TSGA10: variants seen among roughly 807,000 people sequenced by gnomAD.
TSGA10 encodes testis-specific gene 10 protein.
In TSGA10, 43 loss-of-function variants were observed where a neutral mutation model predicts 96.6. The ratio of observed to expected loss-of-function variants is 0.44; its 90% CI spans 0.35 to 0.57. The LOEUF (loss-of-function observed/expected upper bound fraction) is 0.57. TSGA10 is among the 20% of genes least tolerant of loss of function. TSGA10 has a pLI of 0.01. For missense variants in TSGA10, 703 were observed against 834.4 expected (o/e 0.84, Z 1.94); for synonymous variants, 229 against 269.9 (o/e 0.85, Z 1.48).
chr2:99,114,366 C>A (rs2092072888), intron 4 of TSGA10, among the ~76,000 whole-genome samples: 1 of 152,128 alleles, frequency 6.6e-6, no homozygotes, highest in Non-Finnish European at 1.5e-5. Context: ...TCTTTCTAAT[C>A]CCCATTCTAC....
chr2:99,040,188 A>T (rs2082054754), intron 16 of TSGA10, among the ~76,000 whole-genome samples: 1 of 152,200 alleles, frequency 6.6e-6, no homozygotes, highest in Non-Finnish European at 1.5e-5. Context: ...AGTTGAAAGC[A>T]TTCCCCCTAA....
chr2:99,118,990 C>CA lies in TSGA10; in HGVS notation c.-491-305dup, dbSNP rs909473090. ...AAAGATGCATTAAAAACAACAGCAA[C>CA]AAAAAAAAACACTCGCACACAGAAG... is the stretch of plus-strand genomic sequence containing the variant. On this transcript the variant is annotated intron_variant, in intron 2 of 20. Transcript: ENST00000393483. Among the ~76,000 whole-genome samples, 288 of 150,412 alleles carry CA rather than the reference C, an allele frequency of 1.9e-3. 1 individual carries two copies. The highest frequency in any genetic ancestry group is 0.01 in the Middle Eastern group (3 of 294).
chr2:99,119,327 G>A (rs1320531629), intron 2 of TSGA10, among the ~76,000 whole-genome samples: 1 of 151,490 alleles, frequency 6.6e-6, no homozygotes, highest in Non-Finnish European at 1.5e-5. Flanking sequence ...TCTCCCATCT[G>A]CTCTCAAAAA....
chr2:99,045,177 G>A (rs181241951), intron 16 of TSGA10, among the ~76,000 whole-genome samples: 246 of 152,114 alleles, frequency 1.6e-3, no homozygotes, highest in African/African-American at 5.7e-3. Flanking sequence ...AAATAACTAA[G>A]ATCAGAGCAG....
chr2:99,134,298 T>TA (rs1445557471), intron 1 of TSGA10, among the ~76,000 whole-genome samples: 1 of 152,174 alleles, frequency 6.6e-6, no homozygotes, highest in Non-Finnish European at 1.5e-5. Context: ...CTTTTTTCTC[T>TA]AATCTTGTCT....
intron 12 of TSGA10, among the ~76,000 whole-genome samples, chr2:99,077,180 A>T (rs111892988): frequency 9.5e-6 from 1 of 105,716 alleles, no homozygotes; most frequent in African/African-American, 3.8e-5. Context: ...TTGCTCTGTC[A>T]TGCAGGCTGG....
rs193016692 is a variant in TSGA10 at position 99,108,250 on chromosome 2, C to T, written c.210+583G>A. On this transcript the variant is annotated intron_variant, in intron 7 of 20. Transcript: ENST00000393483. Reference sequence around the variant, plus strand: ...TCAGCATCTTATCATTTTTCTATCCCTTAGAGTAGTGAGCCTAGAACCCTG... The same window carrying T: ...TCAGCATCTTATCATTTTTCTATCCTTTAGAGTAGTGAGCCTAGAACCCTG... Among the ~76,000 whole-genome samples the T allele has an allele frequency of 5.8e-3, 886 of 152,110 alleles. 10 individuals carry two copies. The highest frequency in any genetic ancestry group is 0.02 in the African/African-American group (849 of 41,494).
Position 99,118,635 on chromosome 2 carries a change from C to T in TSGA10, c.-440G>A. On this transcript the variant is annotated 5_prime_UTR_variant, in exon 3 of 21. Transcript: ENST00000393483. ...CTTTCCTTCCCAGCCCACTATCAAACCATCAATGGATGAAGAAAAGGGCCT... is the reference window on the plus strand; with the variant it reads ...CTTTCCTTCCCAGCCCACTATCAAATCATCAATGGATGAAGAAAAGGGCCT... 1 of 984,756 alleles carries T rather than the reference C, an allele frequency of 1.0e-6. No individual in the cohort carries two copies. The highest frequency in any genetic ancestry group is 4.7e-5 in the South Asian group (1 of 21,268). The allele number at this position is 984,756 out of a possible 1,614,324, so 61.0% of individuals were successfully genotyped here. A position where few individuals can be genotyped will look rare whatever the true frequency, so the allele number is the denominator to read the frequency against.
intron 10 of TSGA10, among the ~76,000 whole-genome samples, chr2:99,094,603 T>A (rs1374181504): frequency 4.0e-4 from 61 of 152,022 alleles, no homozygotes; most frequent in Non-Finnish European, 1.5e-5. Flanking sequence ...CATGAATAGA[T>A]AATTTTCAAA....
chr2:99,139,733 A>C (rs1407702507), intron 1 of TSGA10, among the ~76,000 whole-genome samples: 1 of 152,224 alleles, frequency 6.6e-6, no homozygotes, highest in Non-Finnish European at 1.5e-5. Flanking sequence ...TTGAGTAAAG[A>C]AGCAAGATGT....
rs1329171261 is a variant in TSGA10, at chr2:99,124,364, T to C, written c.-492+2684A>G. Among the ~76,000 whole-genome samples the C allele has an allele frequency of 4.6e-5, 7 of 152,314 alleles. No individual in the cohort carries two copies. The East Asian group carries it at 1.3e-3, about 29-fold the overall frequency. On this transcript the variant is annotated intron_variant, in intron 2 of 20. Coordinates refer to ENST00000393483, the MANE Select transcript of TSGA10 (RefSeq NM_025244.4). ...GTAGGAGTCCTTTGTATATTCTAGA[T>C]ATTAAGCCCTTTTCAGATATGTAAT...
At chr2:99,032,318 T>G (rs766279993) in intron 17 of TSGA10, among the ~76,000 whole-genome samples, 2 of 152,054 alleles carry the variant, frequency 1.3e-5, no homozygotes, top group Admixed American at 1.3e-4. Flanking sequence ...AAAGACCCAA[T>G]GATGAGACAG....
intron 16 of TSGA10, among the ~76,000 whole-genome samples, chr2:99,047,267 C>T (rs192500536): frequency 3.3e-5 from 5 of 152,090 alleles, no homozygotes; most frequent in Non-Finnish European, 5.9e-5. Flanking sequence ...AGAGATACAA[C>T]AAAAAAAGGA....
chr2:99,068,988 T>C lies in TSGA10; in HGVS notation c.1118A>G (p.Lys373Arg), dbSNP rs2085602521. The C allele has an allele frequency of 2.1e-6, 3 of 1,459,474 alleles. No individual in the cohort carries two copies. Among genetic ancestry groups the C allele is most frequent in the Admixed American group, 5.5e-5 (2 of 36,604 alleles). The allele number at this position is 1,459,474 out of a possible 1,614,324, so 90.4% of individuals were successfully genotyped here. ...KAKQENQALS[K>R]KLNDTHNELN... ...TTCATTATGAGTGTCATTCAATTTT[T>C]TGGACAGTGCCTACGAAAAAAAGAT... Residue 373 changes from lysine (K) to arginine (R), a missense_variant, in exon 15 of 21, where the codon AAA becomes AGA. Coordinates refer to ENST00000393483, the MANE Select transcript of TSGA10 (RefSeq NM_025244.4).
intron 10 of TSGA10, among the ~76,000 whole-genome samples, chr2:99,095,685 G>A (rs968620834): frequency 2.6e-5 from 4 of 152,188 alleles, no homozygotes; most frequent in Non-Finnish European, 4.4e-5. Flanking sequence ...TCTGTCACCA[G>A]GCTGTAGTAC....
At chr2:99,146,719 C>A (rs189940241) in intron 1 of TSGA10, among the ~76,000 whole-genome samples, 3 of 152,144 alleles carry the variant, frequency 2.0e-5, no homozygotes, top group Non-Finnish European at 4.4e-5. Context: ...ACCTCCACCC[C>A]CTGGGTTCAA....
chr2:99,081,416 T>C lies in TSGA10; in HGVS notation c.612-19A>G. ...CAAAAGTCTGCAAATATTTTAATAATAAAACTAATTCTGAAATTTTTGTTT... is the reference window on the plus strand; with the variant it reads ...CAAAAGTCTGCAAATATTTTAATAACAAAACTAATTCTGAAATTTTTGTTT... On this transcript the variant is annotated intron_variant, in intron 10 of 20. Coordinates refer to ENST00000393483, the MANE Select transcript of TSGA10 (RefSeq NM_025244.4). 7.0e-7 allele frequency: 1 copy of C among 1,430,296 alleles called. No homozygotes were observed. The allele number at this position is 1,430,296 out of a possible 1,614,324, so 88.6% of individuals were successfully genotyped here.
intron 16 of TSGA10, among the ~76,000 whole-genome samples, chr2:99,037,836 C>T (rs559473317): frequency 1.6e-4 from 24 of 151,750 alleles, no homozygotes; most frequent in East Asian, 1.4e-3. Flanking sequence ...TCAACAAGAG[C>T]GAAACTCCAT....
At chr2:99,063,176 T>G (rs748436168) in intron 16 of TSGA10, among the ~76,000 whole-genome samples, 7 of 152,200 alleles carry the variant, frequency 4.6e-5, no homozygotes, top group African/African-American at 1.7e-4. Flanking sequence ...AAAAATTATA[T>G]GTCTACTTCG....
Sources: allele counts gnomAD v4.1 joint callset (sites outside exome capture counted in the v4.1 genomes callset), GRCh38; gene constraint gnomAD v4.1.1; transcripts MANE v1.5; gene names NCBI Gene and HGNC (gene_info 2026-07-23, HGNC 2026-07-21).